MLIP: variants seen among roughly 807,000 people sequenced by gnomAD.
The protein encoded by MLIP is muscular LMNA-interacting protein.
In MLIP, 79 loss-of-function variants were observed where a neutral mutation model predicts 84.8. The observed-to-expected ratio is 0.93, with a 90% CI of 0.78 to 1.12. The LOEUF is 1.12. Ranked by LOEUF, MLIP falls within the 50% of genes most tolerant of loss-of-function variation. MLIP has a pLI of 0.00. For synonymous variants in MLIP, 504 were observed against 463.0 expected (o/e 1.09, Z -1.14); for missense variants, 1,257 against 1,160.6 (o/e 1.08, Z -1.21).
rs1561939688 is a variant in MLIP, at chr6:54,111,538, C to G, written c.59C>G (p.Ser20Trp). ...DCGNNYFQMT[S>W]CILSGSIQTT... ...GGGAACAATTACTTCCAAATGACCT[C>G]GTGCATCTTATCAGGGAGCATTCAG... is the stretch of plus-strand genomic sequence containing the variant. Residue 20 changes from serine to tryptophan, a missense_variant, in exon 1 of 14, where the codon TCG becomes TGG. Ser to Trp is a radical substitution (Grantham distance 177, BLOSUM62 -3). Transcript: ENST00000502396. 1.3e-6 allele frequency: 2 copies of G among 1,535,984 alleles called. No individual in the cohort carries two copies. Among genetic ancestry groups the G allele is most frequent in the Non-Finnish European group, 1.7e-6 (2 of 1,146,860 alleles).
At chr6:54,245,209 G>A (rs1425994257) in intron 12 of MLIP, among the ~76,000 whole-genome samples, 1 of 152,138 alleles carries the variant, frequency 6.6e-6, no homozygotes, top group East Asian at 1.9e-4. Context: ...TCCTGAGACA[G>A]CGGTTCAGAT....
chr6:54,027,029 G>A (rs1339106527), intron 1 of MLIP, among the ~76,000 whole-genome samples: 2 of 152,102 alleles, frequency 1.3e-5, no homozygotes, highest in Non-Finnish European at 2.9e-5. Context: ...ACCAAATGAT[G>A]CCTATTTATT....
chr6:54,169,177 T>C (rs183724268), intron 8 of MLIP, among the ~76,000 whole-genome samples: 290 of 151,694 alleles, frequency 1.9e-3, no homozygotes, highest in African/African-American at 6.5e-3. Flanking sequence ...TTGGAGTAGA[T>C]GAGAACATCT....
intron 1 of MLIP, among the ~76,000 whole-genome samples, chr6:54,054,430 C>CAAA (rs60998933): frequency 1.2e-3 from 151 of 131,266 alleles, no homozygotes; most frequent in Middle Eastern, 4.1e-3. Context: ...GAAAAAAAGG[C>CAAA]AAAAAAAAAA....
intron 1 of MLIP, among the ~76,000 whole-genome samples, chr6:54,088,544 G>A (rs567605331): frequency 2.0e-5 from 3 of 152,236 alleles, no homozygotes; most frequent in South Asian, 4.1e-4. Flanking sequence ...ACATTCCAAA[G>A]CACATCTGTC....
chr6:54,230,574 A>T, intron 11 of MLIP, 140 bp from the exon 12 acceptor site: 1 of 743,298 alleles, frequency 1.3e-6, no homozygotes, highest in Non-Finnish European at 2.3e-6. Context: ...CAGTTGTCTC[A>T]TGAGGGACAC....
intron 12 of MLIP, among the ~76,000 whole-genome samples, chr6:54,249,504 G>A (rs1234206589): frequency 6.6e-6 from 1 of 151,678 alleles, no homozygotes; most frequent in Admixed American, 6.6e-5. Flanking sequence ...TTTCTATCGA[G>A]AGGAGCTTTT....
chr6:54,248,368 C>T (rs1398101603), intron 12 of MLIP, among the ~76,000 whole-genome samples: 3 of 152,114 alleles, frequency 2.0e-5, no homozygotes, highest in African/African-American at 7.2e-5. Context: ...ATTCCAATTT[C>T]AACTTCTGGA....
chr6:54,065,272 A>T (rs188373041), intron 1 of MLIP, among the ~76,000 whole-genome samples: 1 of 100,452 alleles, frequency 1.0e-5, no homozygotes, highest in African/African-American at 2.5e-5. Flanking sequence ...ATAAATTCTT[A>T]TATGTGTTTC....
intron 1 of MLIP, among the ~76,000 whole-genome samples, chr6:54,048,521 A>G (rs9296734): frequency 0.013 from 2,001 of 152,248 alleles, 55 homozygotes; most frequent in African/African-American, 0.044. Context: ...GTGGTCATGA[A>G]GGAGCATAAC....
intron 1 of MLIP, among the ~76,000 whole-genome samples, chr6:54,037,468 A>G (rs1440872079): frequency 6.6e-6 from 1 of 151,794 alleles, no homozygotes. Context: ...AGAGAGGGAG[A>G]AAGAGAGAGA....
intron 11 of MLIP, chr6:54,217,723 C>T (rs189308532): frequency 7.6e-5 from 75 of 984,996 alleles, no homozygotes; most frequent in Admixed American, 4.9e-4. Context: ...GACTAAAAAG[C>T]GGTTTAAAGC....
chr6:54,167,122 T>G (rs1441369593), intron 8 of MLIP, among the ~76,000 whole-genome samples: 1 of 151,964 alleles, frequency 6.6e-6, no homozygotes, highest in Non-Finnish European at 1.5e-5. Flanking sequence ...TTTGTCCCTA[T>G]ACCCCTGACT....
intron 11 of MLIP, among the ~76,000 whole-genome samples, chr6:54,222,755 T>A (rs1284837959): frequency 6.6e-6 from 1 of 152,042 alleles, no homozygotes; most frequent in African/African-American, 2.4e-5. Context: ...ATCGATGCAT[T>A]TTTATGGTAG....
chr6:54,131,423 C>T (rs1032740329), intron 3 of MLIP, among the ~76,000 whole-genome samples: 6 of 152,044 alleles, frequency 3.9e-5, no homozygotes, highest in Admixed American at 1.3e-4. Flanking sequence ...GTCACACCCA[C>T]GCAGGATAAA....
intron 11 of MLIP, among the ~76,000 whole-genome samples, chr6:54,229,695 T>C (rs1780844731): frequency 6.6e-6 from 1 of 152,218 alleles, no homozygotes; most frequent in African/African-American, 2.4e-5. Context: ...GCAAAGAACA[T>C]GATCTTGTTC....
chr6:54,193,929 C>A (rs1316430924), intron 10 of MLIP, among the ~76,000 whole-genome samples: 1 of 152,096 alleles, frequency 6.6e-6, no homozygotes, highest in Non-Finnish European at 1.5e-5. Flanking sequence ...GGTAGCTAAA[C>A]CCTGGTCTTC....
chr6:54,036,020 T>C (rs1330052891), intron 1 of MLIP, among the ~76,000 whole-genome samples: 1 of 151,994 alleles, frequency 6.6e-6, no homozygotes, highest in South Asian at 2.1e-4. Context: ...ATGCTTTTGG[T>C]ATCAAGTATA....
At chr6:54,030,623 A>G (rs1214873907) in intron 1 of MLIP, 2 of 151,746 alleles carry the variant, frequency 1.3e-5, no homozygotes, top group South Asian at 4.2e-4. Context: ...TCTTACCTTC[A>G]TCTGGCATTT....
Sources: allele counts gnomAD v4.1 joint callset (sites outside exome capture counted in the v4.1 genomes callset), GRCh38; gene constraint gnomAD v4.1.1; transcripts MANE v1.5; gene names NCBI Gene and HGNC (gene_info 2026-07-23, HGNC 2026-07-21).